Variants in SPATA31G1 observed in about 807,000 individuals in gnomAD.
The protein encoded by SPATA31G1 is spermatogenesis-associated protein 31G1.
At chr9:35,045,700 G>T in the SPATA31G1 span, 1 of 1,614,238 alleles carries the variant, frequency 6.2e-7, no homozygotes, top group Non-Finnish European at 8.5e-7. Flanking sequence ...GCAGGGCGAA[G>T]AGCAAGTGAC....
At chr9:35,042,346 G>T in the SPATA31G1 span, 1 of 1,614,246 alleles carries the variant, frequency 6.2e-7, no homozygotes, top group South Asian at 1.1e-5. Context: ...TGCAGACACT[G>T]CGGCAGCAGC....
chr9:35,042,328 C>T, the SPATA31G1 span: 1 of 1,614,220 alleles, frequency 6.2e-7, no homozygotes, highest in Non-Finnish European at 8.5e-7. Flanking sequence ...CTGACCCATG[C>T]CCTAGCCTGC....
At chr9:35,045,465 G>C in the SPATA31G1 span, 7 of 1,613,914 alleles carry the variant, frequency 4.3e-6, no homozygotes, top group South Asian at 1.1e-5. Context: ...CAAAAAGAGA[G>C]AGCACCCTAG....
chr9:35,045,526 CCACAGT>C, the SPATA31G1 span: 1 of 1,614,136 alleles, frequency 6.2e-7, no homozygotes, highest in South Asian at 1.1e-5. Flanking sequence ...TTGGGGTTAT[CCACAGT>C]CACAGGGAAG....
At chr9:35,045,361 T>G in the SPATA31G1 span, 7 of 1,613,998 alleles carry the variant, frequency 4.3e-6, no homozygotes, top group African/African-American at 4.0e-5. Context: ...GAGGCTGGTG[T>G]GGACTATCTA....
At chr9:35,044,185 C>T in the SPATA31G1 span, 1 of 1,614,130 alleles carries the variant, frequency 6.2e-7, no homozygotes, top group South Asian at 1.1e-5. Context: ...GTTCATAGCA[C>T]ACCTCCAACC....
At chr9:35,041,467 T>C in the SPATA31G1 span, 2 of 167,408 alleles carry the variant, frequency 1.2e-5, no homozygotes, top group African/African-American at 4.8e-5. Context: ...TTGTGCTGGG[T>C]AGAGTGGCCC....
chr9:35,045,284 G>C, the SPATA31G1 span: 6 of 1,613,964 alleles, frequency 3.7e-6, no homozygotes, highest in African/African-American at 8.0e-5. Context: ...AAGGGTCTCA[G>C]AGAGGGGAGA....
chr9:35,043,724 T>G, the SPATA31G1 span: 1 of 1,614,142 alleles, frequency 6.2e-7, no homozygotes, highest in Non-Finnish European at 8.5e-7. Context: ...TTGCTATATC[T>G]AAGGACTTCT....
chr9:35,042,365 G>C, the SPATA31G1 span: 8 of 1,614,264 alleles, frequency 5.0e-6, no homozygotes, highest in Non-Finnish European at 6.8e-6. Flanking sequence ...GCTGCTTCCA[G>C]AGTCCAGGAA....
the SPATA31G1 span, chr9:35,041,248 A>G: frequency 7.9e-6 from 2 of 251,642 alleles, no homozygotes; most frequent in Non-Finnish European, 1.6e-5. Flanking sequence ...TATTTAGGCT[A>G]AATTGTGGAA....
the SPATA31G1 span, chr9:35,041,457 T>C: frequency 5.8e-6 from 1 of 173,604 alleles, no homozygotes; most frequent in African/African-American, 2.4e-5. Flanking sequence ...AATAATATTA[T>C]TGTGCTGGGT....
chr9:35,043,932 C>G, the SPATA31G1 span: 4 of 1,613,850 alleles, frequency 2.5e-6, no homozygotes, highest in South Asian at 4.4e-5. Context: ...GGACCTCAAC[C>G]CAGAGCTCTC....
the SPATA31G1 span, chr9:35,042,437 G>T: frequency 6.2e-7 from 1 of 1,614,234 alleles, no homozygotes. Context: ...AGCTTGGGAG[G>T]TTGCGACAGC....
At chr9:35,045,955 G>A in the SPATA31G1 span, 2 of 1,445,718 alleles carry the variant, frequency 1.4e-6, no homozygotes, top group Non-Finnish European at 1.8e-6. Context: ...ACAAGAAATG[G>A]AAATTCTAAT....
the SPATA31G1 span, chr9:35,045,609 C>T: frequency 1.2e-6 from 2 of 1,614,232 alleles, 1 homozygote; most frequent in Admixed American, 3.3e-5. Flanking sequence ...AAGGTCTCAA[C>T]ACAGGGGCCA....
chr9:35,043,429 C>T, the SPATA31G1 span: 9 of 1,614,026 alleles, frequency 5.6e-6, no homozygotes, highest in South Asian at 1.1e-5. Flanking sequence ...GAAGGGATGG[C>T]CCCCGATCCT....
At chr9:35,041,338 G>T in the SPATA31G1 span, 9,452 of 224,416 alleles carry the variant, frequency 0.042, 703 homozygotes, top group African/African-American at 0.17. Flanking sequence ...AATAAATTTT[G>T]CTTCTAAGAG....
At chr9:35,044,715 C>T in the SPATA31G1 span, 17 of 1,614,108 alleles carry the variant, frequency 1.1e-5, no homozygotes, top group Non-Finnish European at 1.4e-5. Context: ...TACTCCTCTA[C>T]CAGAGCCACA....
Sources: gnomAD v4.1 joint callset for allele counts on GRCh38, gnomAD v4.1.1 for gene constraint, MANE v1.5 for transcripts, NCBI Gene and HGNC (gene_info 2026-07-23, HGNC 2026-07-21) for gene names.